Variants in ABLIM1 observed in about 807,000 individuals in gnomAD.
The protein encoded by ABLIM1 is actin binding LIM protein 1.
ABLIM1 carries 40 observed loss-of-function variants against 107.0 expected under a neutral mutation model. The ratio of observed to expected loss-of-function variants is 0.37; its 90% CI spans 0.29 to 0.49. ABLIM1 has a LOEUF of 0.49. ABLIM1 is among the 20% of genes least tolerant of loss of function. The probability of loss-of-function intolerance (pLI) is 0.97; values close to 1 mark genes in which losing one functional copy is unlikely to be tolerated. For missense variants in ABLIM1, 857 were observed against 1,008.5 expected (o/e 0.85, Z 2.04); for synonymous variants, 357 against 357.3 (o/e 1.00, Z 0.01).
rs926123536 is a variant in ABLIM1, at chr10:114,432,626, G to A, written c.*3634C>T. ...GTTTTAGAAACATTGCCAGCTAGAC[G>A]TCTCCGAGTTAGAGTTGATTGATAT... is the stretch of plus-strand genomic sequence containing the variant. On this transcript the variant is annotated 3_prime_UTR_variant, in exon 23 of 23. Transcript: ENST00000533213. The A allele has an allele frequency of 2.0e-5, 3 of 152,178 alleles. No individual in the cohort carries two copies. The highest frequency in any genetic ancestry group is 7.2e-5 in the African/African-American group (3 of 41,444). 9.4% of individuals were successfully genotyped at this position (152,178 alleles called of 1,614,324 possible).
intron 12 of ABLIM1, among the ~76,000 whole-genome samples, chr10:114,459,452 T>C (rs902820022): frequency 6.6e-5 from 10 of 152,240 alleles, no homozygotes; most frequent in Non-Finnish European, 1.5e-4. Flanking sequence ...TGGATGCATG[T>C]TTTTCAAAAT....
intron 1 of ABLIM1, among the ~76,000 whole-genome samples, chr10:114,672,988 T>G (rs2080319266): frequency 6.6e-6 from 1 of 152,178 alleles, no homozygotes; most frequent in Non-Finnish European, 1.5e-5. Context: ...CCGGGCTCAG[T>G]GGCTCATGCC....
chr10:114,533,516 A>C (rs2065664488), intron 6 of ABLIM1, among the ~76,000 whole-genome samples: 1 of 152,146 alleles, frequency 6.6e-6, no homozygotes. Flanking sequence ...AACAAAGATA[A>C]ATTTCTCACC....
chr10:114,447,856 G>A, intron 15 of ABLIM1, 24 bp downstream of exon 15: 1 of 1,613,506 alleles, frequency 6.2e-7, no homozygotes, highest in Non-Finnish European at 8.5e-7. Context: ...TTGTCCCTTT[G>A]ACTTAGCCGT....
intron 2 of ABLIM1, among the ~76,000 whole-genome samples, chr10:114,601,016 C>T (rs927941914): frequency 2.0e-5 from 3 of 150,740 alleles, no homozygotes; most frequent in African/African-American, 7.3e-5. Flanking sequence ...TTAGAGGTCT[C>T]CCAAGTGTTG....
At chr10:114,782,457 T>C in the ABLIM1 span, among the ~76,000 whole-genome samples, 1 of 152,144 alleles carries the variant, frequency 6.6e-6, no homozygotes, top group African/African-American at 2.4e-5. Flanking sequence ...TCAAAAGCTA[T>C]ACGTGAGATG....
In ABLIM1 at chr10:114,436,136, C is replaced by G; in HGVS notation, c.*124G>C. The G allele has an allele frequency of 1.4e-6, 1 of 693,766 alleles. No individual in the cohort carries two copies. The highest frequency in any genetic ancestry group is 2.5e-6 in the Non-Finnish European group (1 of 406,136). 43.0% of individuals were successfully genotyped at this position (693,766 alleles called of 1,614,324 possible). A position where few individuals can be genotyped will look rare whatever the true frequency, so the allele number is the denominator to read the frequency against. On this transcript the variant is annotated 3_prime_UTR_variant, in exon 23 of 23. Transcript: ENST00000533213. ...TCATGGTGTTTTAACCAGACTTTCTCTTTTTGGTGTTGCTGAGCGACGGTA... is the reference window on the plus strand; with the variant it reads ...TCATGGTGTTTTAACCAGACTTTCTGTTTTTGGTGTTGCTGAGCGACGGTA...
At chr10:114,709,278 G>C (rs2141930681) in intron 1 of ABLIM1, among the ~76,000 whole-genome samples, 1 of 152,220 alleles carries the variant, frequency 6.6e-6, no homozygotes, top group Non-Finnish European at 1.5e-5. Flanking sequence ...ACCCAACACT[G>C]GAGTTTGTTA....
intron 1 of ABLIM1, among the ~76,000 whole-genome samples, chr10:114,762,075 C>T (rs956350234): frequency 6.6e-6 from 1 of 151,832 alleles, no homozygotes; most frequent in African/African-American, 2.4e-5. Context: ...ACTTTGTCGC[C>T]CAGGCTGGAG....
chr10:114,581,980 C>G (rs2073434308), intron 2 of ABLIM1, among the ~76,000 whole-genome samples: 1 of 152,082 alleles, frequency 6.6e-6, no homozygotes, highest in Non-Finnish European at 1.5e-5. Context: ...AGGATGCCAA[C>G]TCTCACCACT....
At chr10:114,526,762 A>G (rs1039525973) in intron 6 of ABLIM1, 77 of 985,366 alleles carry the variant, frequency 7.8e-5, no homozygotes, top group Non-Finnish European at 9.2e-5. Context: ...GGCTTTGTAG[A>G]TGCCAGACCT....
intron 2 of ABLIM1, among the ~76,000 whole-genome samples, chr10:114,582,985 T>G (rs1356140411): frequency 1.3e-5 from 2 of 152,054 alleles, no homozygotes; most frequent in South Asian, 2.1e-4. Flanking sequence ...TTAAAAGCAA[T>G]TACAACAAAA....
the ABLIM1 span, among the ~76,000 whole-genome samples, chr10:114,775,561 T>G: frequency 6.6e-6 from 1 of 152,208 alleles, no homozygotes; most frequent in Non-Finnish European, 1.5e-5. Context: ...AAGTTCTCAG[T>G]GTTCTGCAGA....
At chr10:114,752,543 G>A (rs2082538700) in intron 1 of ABLIM1, among the ~76,000 whole-genome samples, 1 of 152,166 alleles carries the variant, frequency 6.6e-6, no homozygotes, top group Non-Finnish European at 1.5e-5. Context: ...TCACCTAGGT[G>A]TTAAGCCCAG....
At chr10:114,484,717 C>T (rs1314141189) in intron 8 of ABLIM1, among the ~76,000 whole-genome samples, 2 of 152,162 alleles carry the variant, frequency 1.3e-5, no homozygotes, top group Non-Finnish European at 2.9e-5. Flanking sequence ...CCACTCCCTA[C>T]CCAAGCACTG....
At chr10:114,689,263 T>A (rs2081016257), upstream of ABLIM1, among the ~76,000 whole-genome samples, 1 of 152,158 alleles carries the variant, frequency 6.6e-6, no homozygotes, top group African/African-American at 2.4e-5. Context: ...AAATCACCTG[T>A]CTTCCAAATC....
intron 1 of ABLIM1, among the ~76,000 whole-genome samples, chr10:114,664,848 T>G (rs2079952471): frequency 6.7e-6 from 1 of 150,122 alleles, no homozygotes; most frequent in South Asian, 2.1e-4. Flanking sequence ...AATGTTTCTT[T>G]CATAATAAAA....
At chr10:114,440,889 C>A (rs769643182) in intron 19 of ABLIM1, 128 bp downstream of exon 19, 2 of 941,492 alleles carry the variant, frequency 2.1e-6, no homozygotes, top group South Asian at 2.7e-5. Context: ...TATTAGCTCA[C>A]AGAAGACAGA....
At chr10:114,604,794 C>A (rs1432957038) in intron 1 of ABLIM1, among the ~76,000 whole-genome samples, 1 of 152,216 alleles carries the variant, frequency 6.6e-6, no homozygotes, top group Non-Finnish European at 1.5e-5. Flanking sequence ...AAATGCACTG[C>A]AGTTTCTCTT....
Sources: allele counts gnomAD v4.1 joint callset (sites outside exome capture counted in the v4.1 genomes callset), GRCh38; gene constraint gnomAD v4.1.1; transcripts MANE v1.5; gene names NCBI Gene and HGNC (gene_info 2026-07-23, HGNC 2026-07-21).